Variants in TTPA observed in about 807,000 individuals in gnomAD.
The protein encoded by TTPA is alpha-tocopherol transfer protein.
A neutral mutation model predicts 25.9 loss-of-function variants in TTPA; 23 were observed. The ratio of observed to expected loss-of-function variants is 0.89; its 90% CI spans 0.64 to 1.26. The LOEUF (loss-of-function observed/expected upper bound fraction) is 1.26, where lower values mean the gene tolerates loss of function less well. Among genes scored for constraint, TTPA ranks in the 50% most tolerant of loss-of-function variants. TTPA has a pLI of 0.00. For missense variants in TTPA, 337 were observed against 353.1 expected (o/e 0.95, Z 0.37); for synonymous variants, 148 against 137.3 (o/e 1.08, Z -0.54).
chr8:63,076,053 AG>A, intron 1 of TTPA, among the ~76,000 whole-genome samples: 1 of 152,364 alleles, frequency 6.6e-6, no homozygotes, highest in African/African-American at 2.4e-5. Flanking sequence ...AGGCAAGTGC[AG>A]TGTATTTGAC....
intron 2 of TTPA, among the ~76,000 whole-genome samples, chr8:63,068,708 T>C (rs1321833471): frequency 6.6e-6 from 1 of 152,148 alleles, no homozygotes; most frequent in Non-Finnish European, 1.5e-5. Flanking sequence ...ACTGGTAGCA[T>C]GTAGTAGCAA....
intron 1 of TTPA, among the ~76,000 whole-genome samples, chr8:63,074,136 T>C (rs1050840138): frequency 2.4e-4 from 37 of 152,298 alleles, no homozygotes; most frequent in Admixed American, 1.4e-3. Flanking sequence ...GATTTTATAT[T>C]TGAGAGTAAT....
chr8:63,063,994 C>T (rs1805347800), intron 4 of TTPA, among the ~76,000 whole-genome samples: 1 of 152,054 alleles, frequency 6.6e-6, no homozygotes, highest in Non-Finnish European at 1.5e-5. Context: ...CCAGTTACCC[C>T]ACAGTCTTAC....
intron 1 of TTPA, among the ~76,000 whole-genome samples, chr8:63,082,085 C>T (rs1344237435): frequency 1.3e-5 from 2 of 152,142 alleles, no homozygotes; most frequent in African/African-American, 4.8e-5. Context: ...TTTATAGATT[C>T]AATGCCATCC....
intron 1 of TTPA, among the ~76,000 whole-genome samples, chr8:63,083,234 A>C (rs1203495256): frequency 6.6e-6 from 1 of 152,194 alleles, no homozygotes; most frequent in Non-Finnish European, 1.5e-5. Context: ...CTTGGAACCA[A>C]CCCAAATGTC....
At chr8:63,085,770 G>C (rs1030533790) in intron 1 of TTPA, 48 bp downstream of exon 1, 10 of 1,522,928 alleles carry the variant, frequency 6.6e-6, no homozygotes, top group Non-Finnish European at 8.8e-6. Flanking sequence ...GCGGGGGACG[G>C]GGCGGGTGAG....
At chr8:63,059,022 T>C (rs1805248178), downstream of TTPA, among the ~76,000 whole-genome samples, 2 of 53,424 alleles carry the variant, frequency 3.7e-5, no homozygotes, top group Admixed American at 4.0e-4. Context: ...AGGGTCCAGT[T>C]TTTTTTTTTT....
In TTPA at chr8:63,077,229, C is replaced by T. The variant is rs188700844; in HGVS notation, c.205-4141G>A. Among the ~76,000 whole-genome samples the T allele has an allele frequency of 1.4e-3, 208 of 152,340 alleles. 2 individuals are homozygous for T. Among genetic ancestry groups the T allele is most frequent in the Non-Finnish European group, 7.6e-4 (52 of 68,026 alleles). On this transcript the variant is annotated intron_variant, in intron 1 of 4. Transcript: ENST00000260116. Reference sequence around the variant, plus strand: ...GAATAGGAACAGCTCCAGTCTGCAACTCCCAGTGTGATCGATGCAGAAGAT... The same window carrying T: ...GAATAGGAACAGCTCCAGTCTGCAATTCCCAGTGTGATCGATGCAGAAGAT...
chr8:63,078,541 G>T (rs1214809746), intron 1 of TTPA, among the ~76,000 whole-genome samples: 1 of 152,196 alleles, frequency 6.6e-6, no homozygotes, highest in African/African-American at 2.4e-5. Context: ...TGTGATGCAC[G>T]CACAAGCTTC....
rs756777636 is a variant in TTPA, at chr8:63,066,107, A to G, written c.359-10T>C. 76 of 1,283,144 alleles carry G rather than the reference A, an allele frequency of 5.9e-5. No homozygotes were observed. The highest frequency in any genetic ancestry group is 7.7e-5 in the Non-Finnish European group (69 of 894,630). The allele number at this position is 1,283,144 out of a possible 1,614,324, so 79.5% of individuals were successfully genotyped here. On this transcript the variant is annotated splice_polypyrimidine_tract_variant and intron_variant, in intron 2 of 4. Transcript: ENST00000260116. ...TTGGGGTCCCAGTGTGCTAAAAAAAATAAAGCATATCATATCTTAGCATTG... is the reference window on the plus strand; with the variant it reads ...TTGGGGTCCCAGTGTGCTAAAAAAAGTAAAGCATATCATATCTTAGCATTG...
chr8:63,080,724 A>T (rs59744812), intron 1 of TTPA, among the ~76,000 whole-genome samples: 2,438 of 148,196 alleles, frequency 0.016, 79 homozygotes, highest in African/African-American at 0.058. Context: ...CGTATCAAAA[A>T]AAAAAAAAAA....
At chr8:63,081,311 T>A (rs1805660587) in intron 1 of TTPA, among the ~76,000 whole-genome samples, 1 of 152,120 alleles carries the variant, frequency 6.6e-6, no homozygotes, top group Admixed American at 6.5e-5. Context: ...GTTGGCTTCA[T>A]CCCTGGAATG....
intron 1 of TTPA, among the ~76,000 whole-genome samples, chr8:63,084,281 T>C (rs1046006663): frequency 6.6e-6 from 1 of 152,180 alleles, no homozygotes. Flanking sequence ...CCGGTTGAAT[T>C]TATCCTGTAA....
At position 63,061,255 on chromosome 8, in the gene TTPA, T is replaced by C. The variant is rs771412860; in HGVS notation, c.834A>G (p.Gln278=). 9 of 1,613,296 alleles carry C rather than the reference T, an allele frequency of 5.6e-6. No homozygotes were observed. Among genetic ancestry groups the C allele is most frequent in the Admixed American group, 3.3e-5 (2 of 60,006 alleles). Residue 278 remains glutamine (Q), a synonymous_variant, in exon 5 of 5, where the codon CAA becomes CAG. Coordinates refer to ENST00000260116, the MANE Select transcript of TTPA (RefSeq NM_000370.3). ...DYLSSISESI[Q] ...GCCATTCACATGACATAACTTCTCA[T>C]TGAATGCTCTCAGAAATGCTGCTGA...
At chr8:63,063,727 A>C (rs193193702) in intron 4 of TTPA, among the ~76,000 whole-genome samples, 1 of 152,142 alleles carries the variant, frequency 6.6e-6, no homozygotes, top group African/African-American at 2.4e-5. Context: ...TGCCATAAAC[A>C]CTATTCCACA....
In TTPA at chr8:63,072,983, G is replaced by A. The variant is rs550046756; in HGVS notation, c.310C>T (p.Leu104=). 6.2e-7 allele frequency: 1 copy of A among 1,614,070 alleles called. No homozygotes were observed. Among genetic ancestry groups the A allele is most frequent in the African/African-American group, 1.3e-5 (1 of 75,026 alleles). ...CTGCCAGTGGGATCCCTGGATCTCAGGACTCCATGGTAGCCAGCCTTTAGG... is the reference window on the plus strand; with the variant it reads ...CTGCCAGTGGGATCCCTGGATCTCAAGACTCCATGGTAGCCAGCCTTTAGG... ...GLLKAGYHGV[L]RSRDPTGSKV... The change falls in exon 2 of 5, where the codon CTG becomes TTG. Residue 104 remains leucine, a synonymous_variant. Transcript: ENST00000260116.
intron 2 of TTPA, among the ~76,000 whole-genome samples, chr8:63,069,403 A>G (rs1246451902): frequency 1.3e-5 from 2 of 152,096 alleles, no homozygotes. Context: ...TATGGTAGCC[A>G]TTAGCCATGT....
intron 1 of TTPA, among the ~76,000 whole-genome samples, chr8:63,074,288 T>C (rs1488292992): frequency 1.3e-5 from 2 of 151,994 alleles, no homozygotes; most frequent in African/African-American, 4.8e-5. Context: ...AGAAACTGAG[T>C]GGACCTGAAG....
intron 4 of TTPA, among the ~76,000 whole-genome samples, chr8:63,062,441 C>T (rs1805322744): frequency 6.6e-6 from 1 of 152,132 alleles, no homozygotes; most frequent in Admixed American, 6.5e-5. Flanking sequence ...CTATTATGTG[C>T]TGGGATATGA....
Sources: allele counts gnomAD v4.1 joint callset (sites outside exome capture counted in the v4.1 genomes callset), GRCh38; gene constraint gnomAD v4.1.1; transcripts MANE v1.5; gene names NCBI Gene and HGNC (gene_info 2026-07-23, HGNC 2026-07-21).